KCNMA1: variants seen among roughly 807,000 people sequenced by gnomAD.
KCNMA1 encodes Calcium-activated potassium channel subunit alpha-1.
Under a neutral mutation model 140.0 loss-of-function variants are expected in KCNMA1, and 29 were observed. That is an observed-to-expected ratio of 0.21 (90% CI 0.15 to 0.28). The LOEUF is 0.28. Among genes scored for constraint, KCNMA1 ranks in the 10% least tolerant of loss-of-function variants. The pLI, the probability that KCNMA1 is intolerant of heterozygous loss-of-function variation, is 1.00. For missense variants in KCNMA1, 880 were observed against 1,602.2 expected, an observed-to-expected ratio of 0.55 and a Z score of 7.70; for synonymous variants, 612 against 611.9, an observed-to-expected ratio of 1.00 and a Z score of 0.00.
chr10:76,973,138 T>A (rs1266421587), intron 19 of KCNMA1: 1 of 152,176 alleles, frequency 6.6e-6, no homozygotes, highest in Admixed American at 6.5e-5. Flanking sequence ...TTTGGCTAAT[T>A]ACAATACACC....
chr10:77,417,989 C>T (rs571035360), intron 1 of KCNMA1, among the ~76,000 whole-genome samples: 1 of 152,286 alleles, frequency 6.6e-6, no homozygotes, highest in East Asian at 1.9e-4. Context: ...TGGACTCTGC[C>T]TCTGACCTCA....
intron 2 of KCNMA1, among the ~76,000 whole-genome samples, chr10:77,324,955 C>CTGTGTGTGTGTG (rs1262999462): frequency 9.6e-6 from 1 of 104,118 alleles, no homozygotes; most frequent in African/African-American, 4.0e-5. Context: ...CTCTCTCTCT[C>CTGTGTGTGTGTG]TCTCTCTCTC....
chr10:77,033,153 C>A (rs2094062938), intron 15 of KCNMA1, among the ~76,000 whole-genome samples: 1 of 152,074 alleles, frequency 6.6e-6, no homozygotes, highest in Non-Finnish European at 1.5e-5. Flanking sequence ...ACAAACACTG[C>A]ACATTGGGAA....
intron 10 of KCNMA1, among the ~76,000 whole-genome samples, chr10:77,087,458 G>T (rs1295663703): frequency 1.3e-5 from 2 of 152,300 alleles, no homozygotes; most frequent in East Asian, 1.9e-4. Flanking sequence ...TTAGCCGAAG[G>T]TTCCCCTGGG....
chr10:77,247,425 GA>G (rs981192089), intron 3 of KCNMA1, among the ~76,000 whole-genome samples: 1 of 152,112 alleles, frequency 6.6e-6, no homozygotes, highest in Non-Finnish European at 1.5e-5. Flanking sequence ...GTGTCAAAGG[GA>G]GGAAATAGAC....
intron 2 of KCNMA1, among the ~76,000 whole-genome samples, chr10:77,393,882 A>T (rs1212364458): frequency 6.6e-6 from 1 of 152,232 alleles, no homozygotes; most frequent in African/African-American, 2.4e-5. Context: ...GCGGACAGAG[A>T]CAAGACAGGA....
At chr10:77,056,650 C>T (rs1263160567) in intron 14 of KCNMA1, among the ~76,000 whole-genome samples, 3 of 152,068 alleles carry the variant, frequency 2.0e-5, no homozygotes, top group Admixed American at 2.0e-4. Context: ...AACCTTAAAG[C>T]AACTACTATT....
intron 1 of KCNMA1, among the ~76,000 whole-genome samples, chr10:77,506,996 A>G (rs1435613510): frequency 1.3e-5 from 2 of 152,142 alleles, no homozygotes; most frequent in African/African-American, 4.8e-5. Context: ...CCAGCCGCCC[A>G]TGGCAAAACT....
chr10:76,916,309 G>T (rs575343062), intron 23 of KCNMA1, among the ~76,000 whole-genome samples: 4 of 152,130 alleles, frequency 2.6e-5, no homozygotes, highest in Non-Finnish European at 5.9e-5. Flanking sequence ...TTGGGTCCCA[G>T]GTCCAAGCCA....
chr10:77,107,004 G>T (rs958988779), intron 9 of KCNMA1, among the ~76,000 whole-genome samples: 2 of 152,236 alleles, frequency 1.3e-5, no homozygotes, highest in Middle Eastern at 3.4e-3. Flanking sequence ...GTGTCCTGTG[G>T]GTAGTTCAAG....
intron 3 of KCNMA1, among the ~76,000 whole-genome samples, chr10:77,228,699 A>G (rs1484412823): frequency 2.0e-5 from 3 of 152,220 alleles, no homozygotes; most frequent in Non-Finnish European, 4.4e-5. Flanking sequence ...CCATGCTCTG[A>G]GCTAACTGGG....
chr10:76,936,229 A>C (rs1278992427), intron 23 of KCNMA1, among the ~76,000 whole-genome samples: 1 of 152,192 alleles, frequency 6.6e-6, no homozygotes, highest in Non-Finnish European at 1.5e-5. Flanking sequence ...TCTGTACTTG[A>C]GATCTGCTCA....
chr10:76,947,032 A>G (rs2064207764), intron 22 of KCNMA1, among the ~76,000 whole-genome samples: 1 of 152,306 alleles, frequency 6.6e-6, no homozygotes, highest in Non-Finnish European at 1.5e-5. Flanking sequence ...AAGATGAGTG[A>G]ACGTGTACAA....
At chr10:77,586,022 T>C (rs1339982419) in intron 1 of KCNMA1, among the ~76,000 whole-genome samples, 2 of 152,236 alleles carry the variant, frequency 1.3e-5, no homozygotes, top group Non-Finnish European at 2.9e-5. Context: ...ACGCACACTT[T>C]ATATCAGAGT....
chr10:77,165,599 T>A (rs1358762689), intron 5 of KCNMA1, among the ~76,000 whole-genome samples: 1 of 152,198 alleles, frequency 6.6e-6, no homozygotes, highest in Admixed American at 6.5e-5. Context: ...ACAGGTAATG[T>A]CTGTACTCTG....
At chr10:77,452,100 A>G (rs576935755) in intron 1 of KCNMA1, among the ~76,000 whole-genome samples, 131 of 152,320 alleles carry the variant, frequency 8.6e-4, no homozygotes, top group African/African-American at 3.0e-3. Context: ...ACAAAATTCA[A>G]CAAGACCCTG....
chr10:77,418,275 T>C (rs965067614), intron 1 of KCNMA1, among the ~76,000 whole-genome samples: 1 of 152,182 alleles, frequency 6.6e-6, no homozygotes, highest in Non-Finnish European at 1.5e-5. Flanking sequence ...CTCAACTCTC[T>C]ACTTGGCTCC....
intron 3 of KCNMA1, among the ~76,000 whole-genome samples, chr10:77,233,841 C>G (rs1335688580): frequency 6.6e-6 from 1 of 152,188 alleles, no homozygotes; most frequent in East Asian, 1.9e-4. Context: ...CAAATATACT[C>G]TCTTGTCTTT....
chr10:77,429,552 A>G (rs1454552125), intron 1 of KCNMA1, among the ~76,000 whole-genome samples: 1 of 152,152 alleles, frequency 6.6e-6, no homozygotes, highest in African/African-American at 2.4e-5. Context: ...CTTCTCCCCA[A>G]CACAAGTATT....
Sources: gnomAD v4.1 joint callset for allele counts (sites outside exome capture counted in the v4.1 genomes callset) on GRCh38, gnomAD v4.1.1 for gene constraint, MANE v1.5 for transcripts, NCBI Gene and HGNC (gene_info 2026-07-23, HGNC 2026-07-21) for gene names.